Variants in DNAH2 observed in about 807,000 individuals in gnomAD.
DNAH2 encodes the protein dynein axonemal heavy chain 2.
A neutral mutation model predicts 523.5 loss-of-function variants in DNAH2; 323 were observed. The observed-to-expected ratio is 0.62, with a 90% CI of 0.56 to 0.68. DNAH2 has a LOEUF of 0.68. Ranked by LOEUF, DNAH2 falls within the 30% of genes least tolerant of loss-of-function variation. The probability of loss-of-function intolerance (pLI) is 0.00; values close to 1 mark genes in which losing one functional copy is unlikely to be tolerated. For synonymous variants in DNAH2, 2,093 were observed against 2,177.4 expected, an observed-to-expected ratio of 0.96 and a Z score of 1.08; for missense variants, 4,907 against 5,701.5, an observed-to-expected ratio of 0.86 and a Z score of 4.49.
intron 77 of DNAH2, among the ~76,000 whole-genome samples, chr17:7,830,077 G>A (rs2078126439): frequency 6.7e-6 from 1 of 149,282 alleles, no homozygotes; most frequent in Non-Finnish European, 1.5e-5. Flanking sequence ...CAGGGCTGCC[G>A]CAAGCCCATA....
In DNAH2 at chr17:7,739,714, A is replaced by T; in HGVS notation, c.1171-19A>T. ...GTTTGGAAGGAAAGCAGGAACCCTC[A>T]TGCTGTCTTCTTTTTTAGGTATGTG... On this transcript the variant is annotated intron_variant, in intron 8 of 85. Transcript: ENST00000572933. 1 of 1,606,806 alleles carries T rather than the reference A, an allele frequency of 6.2e-7. No individual in the cohort carries two copies. Among genetic ancestry groups the T allele is most frequent in the Non-Finnish European group, 8.5e-7 (1 of 1,177,848 alleles).
intron 2 of DNAH2, among the ~76,000 whole-genome samples, chr17:7,722,197 G>T (rs1004232184): frequency 1.5e-4 from 21 of 141,260 alleles, no homozygotes; most frequent in Admixed American, 7.0e-4. Context: ...CGGGGGGGGG[G>T]GTTCACCATC....
At chr17:7,790,264 CTG>C (rs1182616413) in intron 44 of DNAH2, among the ~76,000 whole-genome samples, 1 of 152,228 alleles carries the variant, frequency 6.6e-6, no homozygotes, top group Admixed American at 6.5e-5. Context: ...GGGTCTCACT[CTG>C]TTGCCCAAGC....
At position 7,787,817 on chromosome 17, in the gene DNAH2, G is replaced by T. The variant is rs1350634145; in HGVS notation, c.6604-43G>T. 5.1e-6 allele frequency: 8 copies of T among 1,567,706 alleles called. No homozygotes were observed. The Admixed American group carries it at 1.1e-4, about 21-fold the overall frequency. On this transcript the variant is annotated intron_variant, in intron 42 of 85. Coordinates refer to ENST00000572933, the MANE Select transcript of DNAH2 (RefSeq NM_020877.5). ...GTGTTTTATTATTCCTGAAGGTGGG[G>T]GATGCAGAGAAAGATGAAGTTCTGA...
Position 7,777,643 on chromosome 17 carries a change from T to A in DNAH2, c.5247+9T>A. On this transcript the variant is annotated intron_variant, in intron 33 of 85. Coordinates refer to ENST00000572933, the MANE Select transcript of DNAH2 (RefSeq NM_020877.5). ...GGTTCTACTGGGAGAAGGTGCCAGA[T>A]GGGCCACCTCCCCACTCTCTTACCG... 6.2e-7 allele frequency: 1 copy of A among 1,613,782 alleles called. No homozygotes were observed. Among genetic ancestry groups the A allele is most frequent in the Non-Finnish European group, 8.5e-7 (1 of 1,179,710 alleles).
intron 2 of DNAH2, among the ~76,000 whole-genome samples, chr17:7,722,941 TTTTC>T (rs2074663195): frequency 1.3e-5 from 2 of 149,996 alleles, no homozygotes; most frequent in African/African-American, 2.5e-5. Context: ...GCTTTCTTTC[TTTTC>T]TTTCTTTTCT....
At position 7,831,917 on chromosome 17, in the gene DNAH2, A is replaced by G; in HGVS notation, c.12726+142A>G. Reference sequence around the variant, plus strand: ...GAAGTTAGATAGGTTCAAGGTTAAAACCTGGCTCTGCCATTCATTGACTGA... The same window carrying G: ...GAAGTTAGATAGGTTCAAGGTTAAAGCCTGGCTCTGCCATTCATTGACTGA... On this transcript the variant is annotated intron_variant, in intron 82 of 85. Transcript: ENST00000572933. This position sits in a 1 kb window ranked among gnomAD's most constrained non-coding sequence, Gnocchi z 4.2. 1 of 690,412 alleles carries G rather than the reference A, an allele frequency of 1.4e-6. No individual in the cohort carries two copies. The highest frequency in any genetic ancestry group is 3.0e-5 in the Admixed American group (1 of 33,748). 42.8% of individuals were successfully genotyped at this position (690,412 alleles called of 1,614,324 possible).
chr17:7,816,866 C>A (rs1025131266), intron 64 of DNAH2, 131 bp downstream of exon 64: 1 of 1,173,690 alleles, frequency 8.5e-7, no homozygotes, highest in Non-Finnish European at 1.2e-6. Flanking sequence ...AGAACTGAGG[C>A]GTGGGAGCTC....
At chr17:7,826,840 C>T (rs1281884709) in intron 77 of DNAH2, among the ~76,000 whole-genome samples, 2 of 152,012 alleles carry the variant, frequency 1.3e-5, no homozygotes, top group Non-Finnish European at 2.9e-5. Flanking sequence ...GCACCCGGCC[C>T]ATCATCCTTT....
At chr17:7,743,617 G>A (rs1597505559) in intron 12 of DNAH2, 1 of 476,864 alleles carries the variant, frequency 2.1e-6, no homozygotes, top group African/African-American at 2.0e-5. Flanking sequence ...AGTGAGCTGA[G>A]ATCACACCAC....
intron 77 of DNAH2, among the ~76,000 whole-genome samples, chr17:7,825,545 A>G (rs550209557): frequency 1.3e-5 from 2 of 152,250 alleles, no homozygotes; most frequent in African/African-American, 2.4e-5. Flanking sequence ...GTCTTTTGAC[A>G]TATCATTTAT....
Position 7,817,959 on chromosome 17 carries a change from T to C in DNAH2, c.10250T>C (p.Ile3417Thr). The C allele has an allele frequency of 3.1e-6, 5 of 1,613,990 alleles. No homozygotes were observed. The highest frequency in any genetic ancestry group is 4.2e-6 in the Non-Finnish European group (5 of 1,179,990). The stretch of plus-strand genomic sequence containing the variant: ...CTTGCTCTCTAGGGCCTGAAGATCA[T>C]CGACCTGCAGATGAGCGATTACCTG... ...NMEGGQGLKI[I>T]DLQMSDYLRI... The change falls in exon 68 of 86, where the codon ATC becomes ACC. Residue 3417 changes from isoleucine to threonine, a missense_variant. By Grantham distance (89) the Ile-to-Thr change is moderately conservative (BLOSUM62 -1). Around this residue, in one of 3 missense-constraint regions of DNAH2, gnomAD observed 1,851 missense variants for 2,139.4 expected, o/e 0.87. Transcript: ENST00000572933.
chr17:7,749,543 A>G (rs187788296), intron 12 of DNAH2, among the ~76,000 whole-genome samples: 51 of 152,018 alleles, frequency 3.4e-4, no homozygotes, highest in Admixed American at 2.9e-3. Context: ...CACACTTCCA[A>G]TCTCCCCATA....
intron 63 of DNAH2, among the ~76,000 whole-genome samples, chr17:7,814,471 T>G (rs943178434): frequency 6.6e-6 from 1 of 152,196 alleles, no homozygotes; most frequent in Non-Finnish European, 1.5e-5. Context: ...TTTTTAAAAA[T>G]TTAAAGCTCC....
intron 18 of DNAH2, among the ~76,000 whole-genome samples, chr17:7,763,424 G>A (rs1339338350): frequency 6.6e-6 from 1 of 152,190 alleles, no homozygotes; most frequent in East Asian, 1.9e-4. Flanking sequence ...AGGATTACAG[G>A]CGTGAGCCAC....
At position 7,830,705 on chromosome 17, in the gene DNAH2, A is replaced by C; in HGVS notation, c.12093A>C (p.Thr4031=). The change falls in exon 79 of 86, where the codon ACA becomes ACC. Residue 4031 remains threonine, a synonymous_variant. Coordinates refer to ENST00000572933, the MANE Select transcript of DNAH2 (RefSeq NM_020877.5). ...LSLYLDEYEE[T]PWDALKYLIA... ...TCTATCTCGATGAGTACGAGGAGAC[A>C]CCTTGGGACGCACTTAAGTACCTCA... 6.2e-7 allele frequency: 1 copy of C among 1,614,182 alleles called. No individual in the cohort carries two copies. The highest frequency in any genetic ancestry group is 2.2e-5 in the East Asian group (1 of 44,884).
chr17:7,787,735 T>TA (rs34626825), intron 42 of DNAH2, 125 bp from the exon 43 acceptor site: 36,909 of 930,852 alleles, frequency 0.04, 7 homozygotes, highest in East Asian at 0.049. Flanking sequence ...GACTTTGTCT[T>TA]AAAAAAAAAA....
chr17:7,793,443 TTCTTTTTC>T (rs1169806411), intron 48 of DNAH2, among the ~76,000 whole-genome samples: 2 of 73,344 alleles, frequency 2.7e-5, no homozygotes, highest in African/African-American at 9.0e-5. Context: ...TTTTCTTTCT[TTCTTTTTC>T]TTTCTTTCTT....
At chr17:7,815,656 T>TCA (rs945646936) in intron 63 of DNAH2, among the ~76,000 whole-genome samples, 2 of 149,120 alleles carry the variant, frequency 1.3e-5, no homozygotes, top group African/African-American at 5.0e-5. Flanking sequence ...GTATACGGGA[T>TCA]CACACACATA....
Sources: gnomAD v4.1 joint callset for allele counts (sites outside exome capture counted in the v4.1 genomes callset) on GRCh38, gnomAD v4.1.1 for gene constraint, gnomAD v4.1.1 regional missense constraint, Gnocchi (gnomAD v3.1) non-coding constraint, MANE v1.5 for transcripts, NCBI Gene and HGNC (gene_info 2026-07-23, HGNC 2026-07-21) for gene names.